Variants in SH3PXD2B observed in about 807,000 individuals in gnomAD.
The protein encoded by SH3PXD2B is SH3 and PX domain-containing protein 2B.
Under a neutral mutation model 73.1 loss-of-function variants are expected in SH3PXD2B, and 37 were observed. The observed-to-expected ratio is 0.51, with a 90% CI of 0.39 to 0.67. SH3PXD2B has a LOEUF of 0.67. SH3PXD2B is among the 30% of genes least tolerant of loss of function. The probability of loss-of-function intolerance (pLI) is 0.00; values close to 1 mark genes in which losing one functional copy is unlikely to be tolerated. For missense variants in SH3PXD2B, 1,053 were observed against 1,197.8 expected (o/e 0.88, Z 1.78); for synonymous variants, 457 against 480.5 (o/e 0.95, Z 0.64).
Position 172,347,430 on chromosome 5 carries a change from A to ACAGG in SH3PXD2B, c.1013-102_1013-99dup, listed in dbSNP as rs999106516. 60 of 1,253,180 alleles carry ACAGG rather than the reference A, an allele frequency of 4.8e-5. 1 individual carries two copies. Among genetic ancestry groups the ACAGG allele is most frequent in the South Asian group, 4.4e-4 (36 of 81,320 alleles). The allele number at this position is 1,253,180 out of a possible 1,614,324, so 77.6% of individuals were successfully genotyped here. A position where few individuals can be genotyped will look rare whatever the true frequency, so the allele number is the denominator to read the frequency against. On this transcript the variant is annotated intron_variant, in intron 10 of 12. Transcript: ENST00000311601. ...TATTTTCTCCTGCAGAAGATTGAAC[A>ACAGG]CAGGCGTCTGCATGCTGCTGCAACC...
rs765472095 is a variant in SH3PXD2B at position 172,338,774 on chromosome 5, C to T, written c.2331G>A (p.Glu777=). Residue 777 remains glutamate, a synonymous_variant, in exon 13 of 13, where the codon GAG becomes GAA. Coordinates refer to ENST00000311601, the MANE Select transcript of SH3PXD2B (RefSeq NM_001017995.3). The surrounding 1 kb of genome is among the most constrained non-coding windows in gnomAD (Gnocchi z 5.1). ...KTSSSSRPLP[E]VRGPQCEGHE... is the part of the protein sequence containing the mutation. ...GGCCTTCACACTGTGGACCTCTGAC[C>T]TCTGGGAGCGGCCTGGATGACGAAG... is the stretch of plus-strand genomic sequence containing the variant. The T allele has an allele frequency of 4.3e-6, 7 of 1,614,072 alleles. No homozygotes were observed. Among genetic ancestry groups the T allele is most frequent in the South Asian group, 1.1e-5 (1 of 91,094 alleles).
intron 1 of SH3PXD2B, among the ~76,000 whole-genome samples, chr5:172,450,556 A>G (rs931355767): frequency 6.6e-6 from 1 of 152,086 alleles, no homozygotes; most frequent in African/African-American, 2.4e-5. Flanking sequence ...GTTACCGAGG[A>G]CACTTTGACC....
chr5:172,436,795 C>G (rs1759399314), intron 1 of SH3PXD2B, among the ~76,000 whole-genome samples: 2 of 152,266 alleles, frequency 1.3e-5, no homozygotes, highest in African/African-American at 2.4e-5. Context: ...CCGTCCTGCT[C>G]TACAGCCAGA....
Position 172,335,279 on chromosome 5 carries a change from T to C in SH3PXD2B, c.*3090A>G, listed in dbSNP as rs920303272. On this transcript the variant is annotated 3_prime_UTR_variant, in exon 13 of 13. Transcript: ENST00000311601. ...CTCTGCCCACCTTTTGGGCTGCCAT[T>C]TGGCCTGTGACCTACTGAAATGTGT... The C allele has an allele frequency of 1.8e-6, 2 of 1,125,606 alleles. No homozygotes were observed. The highest frequency in any genetic ancestry group is 4.7e-5 in the East Asian group (1 of 21,288). 69.7% of individuals were successfully genotyped at this position (1,125,606 alleles called of 1,614,324 possible).
rs528551831 is a variant in SH3PXD2B at position 172,380,372 on chromosome 5, T to C, written c.401+1664A>G. Among the ~76,000 whole-genome samples the C allele has an allele frequency of 4.6e-5, 7 of 152,300 alleles. No individual in the cohort carries two copies. In the East Asian group the frequency reaches 1.4e-3, roughly 29 times the overall value. On this transcript the variant is annotated intron_variant, in intron 5 of 12. Coordinates refer to ENST00000311601, the MANE Select transcript of SH3PXD2B (RefSeq NM_001017995.3). ...GAATGACAGTTTTTATTGGGCAGTTTCGTGAGAAAATGAAGTGGAAAGGGA... is the reference window on the plus strand; with the variant it reads ...GAATGACAGTTTTTATTGGGCAGTTCCGTGAGAAAATGAAGTGGAAAGGGA...
chr5:172,417,400 TAAG>T (rs1233869252), intron 2 of SH3PXD2B, among the ~76,000 whole-genome samples: 3 of 152,204 alleles, frequency 2.0e-5, no homozygotes, highest in African/African-American at 4.8e-5. Flanking sequence ...CAAAGAAAGC[TAAG>T]AAGTGAAGAA....
Position 172,338,963 on chromosome 5 carries a change from G to C in SH3PXD2B, c.2142C>G (p.Gly714=), listed in dbSNP as rs772487084. Reference sequence around the variant, plus strand: ...CTTTTGGGCTGAGACCATCCTGTTTGCCCGTCCTGTCCTGGGCGCGGCCAG... The same window carrying C: ...CTTTTGGGCTGAGACCATCCTGTTTCCCCGTCCTGTCCTGGGCGCGGCCAG... ...EGPGRAQDRT[G]KQDGLSPKEI... is the part of the protein sequence containing the mutation. The change falls in exon 13 of 13, where the codon GGC becomes GGG. Residue 714 remains glycine, a synonymous_variant. Coordinates refer to ENST00000311601, the MANE Select transcript of SH3PXD2B (RefSeq NM_001017995.3). The surrounding 1 kb of genome is among the most constrained non-coding windows in gnomAD (Gnocchi z 5.1). 4 of 1,614,196 alleles carry C rather than the reference G, an allele frequency of 2.5e-6. No individual in the cohort carries two copies. The East Asian group carries it at 6.7e-5, about 27-fold the overall frequency.
At chr5:172,436,537 C>T (rs1292692550) in intron 1 of SH3PXD2B, among the ~76,000 whole-genome samples, 1 of 152,220 alleles carries the variant, frequency 6.6e-6, no homozygotes, top group Non-Finnish European at 1.5e-5. Flanking sequence ...GGGAAAGGGA[C>T]TTGCCCAAGG....
At chr5:172,427,274 T>G (rs1437609321) in intron 1 of SH3PXD2B, among the ~76,000 whole-genome samples, 1 of 152,088 alleles carries the variant, frequency 6.6e-6, no homozygotes, top group East Asian at 1.9e-4. Flanking sequence ...TTACAGGAGG[T>G]ACCTGGAGTA....
At chr5:172,403,000 T>A (rs1023736861) in intron 3 of SH3PXD2B, among the ~76,000 whole-genome samples, 2 of 152,218 alleles carry the variant, frequency 1.3e-5, no homozygotes, top group Non-Finnish European at 2.9e-5. Flanking sequence ...GTGGTAGGCA[T>A]GGGAGCCAGC....
At chr5:172,380,781 A>C (rs144408331) in intron 5 of SH3PXD2B, among the ~76,000 whole-genome samples, 8 of 152,344 alleles carry the variant, frequency 5.3e-5, no homozygotes, top group Admixed American at 1.3e-4. Flanking sequence ...CTTCACTCCA[A>C]AACCACGCAC....
chr5:172,335,742 C>A lies in SH3PXD2B; in HGVS notation c.*2627G>T, dbSNP rs939361946. 8.7e-5 allele frequency: 107 copies of A among 1,231,054 alleles called. No individual in the cohort carries two copies. The highest frequency in any genetic ancestry group is 1.0e-4 in the Non-Finnish European group (99 of 987,800). 76.3% of individuals were successfully genotyped at this position (1,231,054 alleles called of 1,614,324 possible). ...GATGGGGTAAATCTAAGTCCCCAGG[C>A]AAGGACAGCTAGGAGAGTGACTGGC... On this transcript the variant is annotated 3_prime_UTR_variant, in exon 13 of 13. Coordinates refer to ENST00000311601, the MANE Select transcript of SH3PXD2B (RefSeq NM_001017995.3).
chr5:172,382,795 C>T (rs1419653335), intron 4 of SH3PXD2B, among the ~76,000 whole-genome samples: 1 of 152,198 alleles, frequency 6.6e-6, no homozygotes, highest in Non-Finnish European at 1.5e-5. Context: ...GTGGTGCAGC[C>T]TCGGCTCACC....
intron 4 of SH3PXD2B, among the ~76,000 whole-genome samples, chr5:172,383,812 G>A (rs536766886): frequency 6.6e-6 from 1 of 151,974 alleles, no homozygotes; most frequent in African/African-American, 2.4e-5. Flanking sequence ...CTGGGGTCTG[G>A]GGATAGAAGA....
intron 1 of SH3PXD2B, among the ~76,000 whole-genome samples, chr5:172,451,765 G>A (rs1185880072): frequency 2.6e-5 from 4 of 152,328 alleles, no homozygotes; most frequent in South Asian, 2.1e-4. Context: ...TTTCCAGATT[G>A]TGTGAGGGGT....
chr5:172,413,324 T>A (rs1482494210), intron 2 of SH3PXD2B, among the ~76,000 whole-genome samples: 2 of 152,224 alleles, frequency 1.3e-5, no homozygotes, highest in Non-Finnish European at 2.9e-5. Context: ...TAAATATCAA[T>A]GTGTCTGGTG....
intron 4 of SH3PXD2B, among the ~76,000 whole-genome samples, chr5:172,386,961 C>T (rs1758073190): frequency 6.6e-6 from 1 of 152,166 alleles, no homozygotes; most frequent in African/African-American, 2.4e-5. Flanking sequence ...TTCTCGAAGA[C>T]ATATTGTTTT....
intron 2 of SH3PXD2B, among the ~76,000 whole-genome samples, chr5:172,416,696 CTTTT>C (rs202242720): frequency 4.2e-4 from 26 of 62,248 alleles, no homozygotes; most frequent in African/African-American, 1.3e-3. Context: ...CTCTCTCTCT[CTTTT>C]TTTTTTTTTT....
chr5:172,364,029 G>A (rs557638732), intron 6 of SH3PXD2B, among the ~76,000 whole-genome samples: 16 of 152,340 alleles, frequency 1.1e-4, no homozygotes, highest in African/African-American at 3.6e-4. Flanking sequence ...ACGAAGTAGA[G>A]AGGTGCTCCA....
Sources: allele counts gnomAD v4.1 joint callset (sites outside exome capture counted in the v4.1 genomes callset), GRCh38; gene constraint gnomAD v4.1.1; non-coding constraint Gnocchi (gnomAD v3.1); transcripts MANE v1.5; gene names NCBI Gene and HGNC (gene_info 2026-07-23, HGNC 2026-07-21).